Variants in LOC128462377 observed in about 807,000 individuals in gnomAD.
the LOC128462377 span, among the ~76,000 whole-genome samples, chr16:89,413,049 A>T: frequency 6.6e-6 from 1 of 152,164 alleles, no homozygotes; most frequent in Non-Finnish European, 1.5e-5. Context: ...CTCTCTGCCC[A>T]TCAACCAGAG....
chr16:89,389,237 C>G, the LOC128462377 span, among the ~76,000 whole-genome samples: 1 of 151,800 alleles, frequency 6.6e-6, no homozygotes, highest in Non-Finnish European at 1.5e-5. Context: ...GTTGCCCAGT[C>G]TGGTCTCAAA....
the LOC128462377 span, among the ~76,000 whole-genome samples, chr16:89,405,889 C>G: frequency 6.6e-6 from 1 of 152,064 alleles, no homozygotes; most frequent in Non-Finnish European, 1.5e-5. Flanking sequence ...GCCGGCAGAT[C>G]ACCTGAGGAC....
chr16:89,378,626 C>G, the LOC128462377 span, among the ~76,000 whole-genome samples: 1 of 152,180 alleles, frequency 6.6e-6, no homozygotes, highest in East Asian at 1.9e-4. Flanking sequence ...GCTCAAGTAG[C>G]TTCTCTTGTT....
At chr16:89,415,431 A>C in the LOC128462377 span, among the ~76,000 whole-genome samples, 1 of 148,536 alleles carries the variant, frequency 6.7e-6, no homozygotes, top group Admixed American at 6.7e-5. Context: ...TGCCCGGCTA[A>C]TTTTTTGTAT....
the LOC128462377 span, among the ~76,000 whole-genome samples, chr16:89,343,352 G>A: frequency 3.3e-5 from 5 of 152,206 alleles, no homozygotes; most frequent in Admixed American, 1.3e-4. Flanking sequence ...TTGACATTTA[G>A]TTATAAGCTC....
At chr16:89,337,845 C>A in the LOC128462377 span, among the ~76,000 whole-genome samples, 2 of 152,120 alleles carry the variant, frequency 1.3e-5, 1 homozygote, top group Non-Finnish European at 2.9e-5. Flanking sequence ...AATGCCTGTT[C>A]CTCTCCCTCT....
the LOC128462377 span, among the ~76,000 whole-genome samples, chr16:89,342,359 A>G: frequency 9.2e-5 from 14 of 152,234 alleles, no homozygotes; most frequent in Non-Finnish European, 1.6e-4. Flanking sequence ...TGAGAGTCGG[A>G]AAACGTTGAA....
At chr16:89,369,600 G>A in the LOC128462377 span, among the ~76,000 whole-genome samples, 3 of 152,248 alleles carry the variant, frequency 2.0e-5, no homozygotes, top group Non-Finnish European at 4.4e-5. Context: ...GTGGAAAGAG[G>A]ATCCTGGAAA....
the LOC128462377 span, among the ~76,000 whole-genome samples, chr16:89,370,298 G>C: frequency 2.6e-5 from 4 of 152,202 alleles, no homozygotes. Flanking sequence ...GCAGCTCTGA[G>C]GATGAGAAGA....
At chr16:89,342,305 C>T in the LOC128462377 span, among the ~76,000 whole-genome samples, 6 of 152,272 alleles carry the variant, frequency 3.9e-5, no homozygotes, top group Non-Finnish European at 8.8e-5. Flanking sequence ...AGGCTCAGAC[C>T]TCAGAACCAG....
At chr16:89,409,916 T>G in the LOC128462377 span, among the ~76,000 whole-genome samples, 4 of 152,150 alleles carry the variant, frequency 2.6e-5, no homozygotes, top group Non-Finnish European at 4.4e-5. Flanking sequence ...CTCAACTCAC[T>G]GCAAGCTCCG....
At chr16:89,354,035 G>A in the LOC128462377 span, among the ~76,000 whole-genome samples, 1 of 152,142 alleles carries the variant, frequency 6.6e-6, no homozygotes, top group Non-Finnish European at 1.5e-5. Context: ...ATGGGAGCCA[G>A]AGCACCCAGC....
At chr16:89,346,600 C>T in the LOC128462377 span, among the ~76,000 whole-genome samples, 4 of 152,148 alleles carry the variant, frequency 2.6e-5, no homozygotes, top group African/African-American at 9.7e-5. Flanking sequence ...CCAGAAAACA[C>T]AGCCTTCAAT....
At chr16:89,326,582 AT>A in the LOC128462377 span, among the ~76,000 whole-genome samples, 1 of 152,132 alleles carries the variant, frequency 6.6e-6, no homozygotes, top group African/African-American at 2.4e-5. Context: ...CTTTACAAAA[AT>A]ATCAAAAAAT....
the LOC128462377 span, among the ~76,000 whole-genome samples, chr16:89,349,845 G>A: frequency 7.7e-6 from 1 of 130,672 alleles, no homozygotes; most frequent in East Asian, 2.2e-4. Context: ...AAAAATACAG[G>A]CCAAATACTT....
chr16:89,411,139 A>AG, the LOC128462377 span, among the ~76,000 whole-genome samples: 1 of 152,260 alleles, frequency 6.6e-6, no homozygotes, highest in African/African-American at 2.4e-5. Context: ...GCAGCAGCAC[A>AG]GGGGCTCGGG....
chr16:89,402,950 T>C, the LOC128462377 span, among the ~76,000 whole-genome samples: 6 of 152,128 alleles, frequency 3.9e-5, no homozygotes, highest in Non-Finnish European at 5.9e-5. Context: ...AGCCTGCCAG[T>C]GGAGACCTCT....
the LOC128462377 span, among the ~76,000 whole-genome samples, chr16:89,335,751 G>T: frequency 6.6e-6 from 1 of 152,210 alleles, no homozygotes; most frequent in East Asian, 1.9e-4. Context: ...ACCGTGACAG[G>T]CCCCAGTGTG....
the LOC128462377 span, among the ~76,000 whole-genome samples, chr16:89,393,314 A>AT: frequency 0.014 from 1,911 of 139,270 alleles, 23 homozygotes; most frequent in African/African-American, 0.026. Flanking sequence ...TTTTATTTTT[A>AT]TTTTTTTTTT....
Sources: allele counts gnomAD v4.1 joint callset (sites outside exome capture counted in the v4.1 genomes callset), GRCh38; gene constraint gnomAD v4.1.1; transcripts MANE v1.5.